The following ARL14EPL variants were observed in gnomAD, a reference collection of about 807,000 sequenced individuals.
ARL14EPL encodes ARF like GTPase 14 effector protein like.
ARL14EPL carries 17 observed loss-of-function variants against 15.9 expected under a neutral mutation model. The observed-to-expected ratio is 1.07, with a 90% CI of 0.73 to 1.60. ARL14EPL has a LOEUF of 1.60. ARL14EPL is among the 40% of genes most tolerant of loss of function. ARL14EPL has a pLI of 0.00. For synonymous variants in ARL14EPL, 78 were observed against 63.8 expected (o/e 1.22, Z -1.06); for missense variants, 214 against 185.9 (o/e 1.15, Z -0.88).
rs937260521 is a variant in ARL14EPL, at chr5:116,052,300, G to A, written c.96+739G>A. ...TGGGCGGCATTGCGAAGCTCGGAGA[G>A]TAGCAGCAGACACCGCAGCCTTGCA... is the stretch of plus-strand genomic sequence containing the variant. On this transcript the variant is annotated intron_variant, in intron 2 of 3. Coordinates refer to ENST00000686077, the MANE Select transcript of ARL14EPL (RefSeq NM_001195581.2). 1.1e-4 allele frequency: 145 copies of A among 1,298,182 alleles called. No individual in the cohort carries two copies. The East Asian group carries it at 1.8e-3, about 16-fold the overall frequency. 80.4% of individuals were successfully genotyped at this position (1,298,182 alleles called of 1,614,324 possible).
intron 1 of ARL14EPL, among the ~76,000 whole-genome samples, chr5:116,034,012 C>G (rs148974155): frequency 3.9e-5 from 6 of 152,332 alleles, no homozygotes; most frequent in African/African-American, 1.4e-4. Flanking sequence ...GTCACCTTCT[C>G]TGCTCTCAGG....
At chr5:116,036,234 C>T (rs922569574) in intron 1 of ARL14EPL, among the ~76,000 whole-genome samples, 2 of 152,162 alleles carry the variant, frequency 1.3e-5, no homozygotes, top group African/African-American at 4.8e-5. Context: ...CCCCATTCAC[C>T]TTTGGGTTTT....
rs192406766 is a variant in ARL14EPL, at chr5:116,035,478, C to T, written c.-10+2973C>T. Among the ~76,000 whole-genome samples the T allele has an allele frequency of 1.1e-3, 164 of 152,266 alleles. 1 individual carries two copies. The highest frequency in any genetic ancestry group is 3.7e-3 in the African/African-American group (154 of 41,560). On this transcript the variant is annotated intron_variant, in intron 1 of 3. Transcript: ENST00000686077. ...TATAGTTGGTCAGGAAATCAGAAAC[C>T]AAATCGGCTTTTTTGACTGCGAACT... is the stretch of plus-strand genomic sequence containing the variant.
chr5:116,043,819 A>G (rs1361400581), intron 1 of ARL14EPL, among the ~76,000 whole-genome samples: 1 of 152,164 alleles, frequency 6.6e-6, no homozygotes. Context: ...TTTTAAGAGC[A>G]TTACTACCTT....
At position 116,040,766 on chromosome 5, in the gene ARL14EPL, C is replaced by T. The variant is rs868188769; in HGVS notation, c.-10+8261C>T. Among the ~76,000 whole-genome samples the T allele has an allele frequency of 8.8e-5, 13 of 148,172 alleles. No homozygotes were observed. The South Asian group carries it at 1.3e-3, about 15-fold the overall frequency. ...AGGTGGGCGGATCACGAGGTCATAT[C>T]GAGACCATCCTGGCTAACACGGTGA... On this transcript the variant is annotated intron_variant, in intron 1 of 3. Coordinates refer to ENST00000686077, the MANE Select transcript of ARL14EPL (RefSeq NM_001195581.2).
chr5:116,045,510 A>G (rs1000507203), intron 1 of ARL14EPL, among the ~76,000 whole-genome samples: 3 of 152,172 alleles, frequency 2.0e-5, no homozygotes, highest in African/African-American at 7.2e-5. Context: ...TCCATAGTAC[A>G]AATAAGGTGT....
chr5:116,045,660 T>C (rs1015241143), intron 1 of ARL14EPL, among the ~76,000 whole-genome samples: 1 of 152,258 alleles, frequency 6.6e-6, no homozygotes, highest in Middle Eastern at 3.4e-3. Context: ...GTTCCACAGA[T>C]GATGAAATTC....
chr5:116,054,174 A>T (rs932621166), intron 3 of ARL14EPL, 21 bp downstream of exon 3: 6 of 1,525,630 alleles, frequency 3.9e-6, no homozygotes, highest in Non-Finnish European at 5.3e-6. Context: ...GACTTATTGT[A>T]TTTGATCTGT....
chr5:116,046,445 G>A (rs1446442599), intron 1 of ARL14EPL, among the ~76,000 whole-genome samples: 9 of 152,146 alleles, frequency 5.9e-5, no homozygotes, highest in Admixed American at 2.0e-4. Context: ...AGTGATAAAC[G>A]TATGAGTCAT....
intron 3 of ARL14EPL, among the ~76,000 whole-genome samples, chr5:116,057,329 G>A (rs1749542823): frequency 6.6e-6 from 1 of 152,054 alleles, no homozygotes; most frequent in Admixed American, 6.5e-5. Flanking sequence ...AAGCTGGACA[G>A]TGGGCACACA....
intron 1 of ARL14EPL, among the ~76,000 whole-genome samples, chr5:116,046,721 A>G (rs1196457660): frequency 1.3e-5 from 2 of 152,212 alleles, no homozygotes; most frequent in African/African-American, 4.8e-5. Flanking sequence ...ATGCCTGGCT[A>G]TGTTGGGTTA....
At chr5:116,041,789 C>A (rs1749163557) in intron 1 of ARL14EPL, among the ~76,000 whole-genome samples, 1 of 152,126 alleles carries the variant, frequency 6.6e-6, no homozygotes, top group South Asian at 2.1e-4. Flanking sequence ...GTGCATTTTT[C>A]AGGATTCACT....
chr5:116,035,639 C>A (rs1040545666), intron 1 of ARL14EPL, among the ~76,000 whole-genome samples: 4 of 152,168 alleles, frequency 2.6e-5, no homozygotes, highest in Admixed American at 6.5e-5. Flanking sequence ...TTATTAGAAC[C>A]TAGAAGCTGG....
At chr5:116,048,316 T>C (rs1026323453) in intron 1 of ARL14EPL, among the ~76,000 whole-genome samples, 5 of 152,128 alleles carry the variant, frequency 3.3e-5, no homozygotes, top group African/African-American at 1.2e-4. Flanking sequence ...GCATCTTGTA[T>C]AGTTTAAATG....
chr5:116,057,959 CA>C (rs1158487024), intron 3 of ARL14EPL, among the ~76,000 whole-genome samples: 1 of 152,164 alleles, frequency 6.6e-6, no homozygotes, highest in East Asian at 1.9e-4. Flanking sequence ...GGATTTATTT[CA>C]AAATGGTTGG....
chr5:116,043,777 C>T (rs562879468), intron 1 of ARL14EPL, among the ~76,000 whole-genome samples: 1 of 152,062 alleles, frequency 6.6e-6, no homozygotes. Flanking sequence ...TGGTTACAAA[C>T]CTTATCTTTT....
intron 1 of ARL14EPL, among the ~76,000 whole-genome samples, chr5:116,036,141 C>G (rs896078207): frequency 2.0e-5 from 3 of 152,206 alleles, no homozygotes; most frequent in East Asian, 1.9e-4. Context: ...ATTGTTCTAA[C>G]CTCAACACGT....
intron 2 of ARL14EPL, chr5:116,052,150 G>A (rs1580416251): frequency 6.2e-7 from 1 of 1,611,222 alleles, no homozygotes. Context: ...ACAAGACTAA[G>A]TTATTGAGCT....
At chr5:116,045,185 T>C (rs140815672) in intron 1 of ARL14EPL, among the ~76,000 whole-genome samples, 36 of 152,312 alleles carry the variant, frequency 2.4e-4, no homozygotes, top group African/African-American at 8.2e-4. Flanking sequence ...GAGTGAAAGA[T>C]AATTGGAGTT....
Sources: allele counts gnomAD v4.1 joint callset (sites outside exome capture counted in the v4.1 genomes callset), GRCh38; gene constraint gnomAD v4.1.1; transcripts MANE v1.5; gene names NCBI Gene and HGNC (gene_info 2026-07-23, HGNC 2026-07-21).